Variants in PRKCE observed in about 807,000 individuals in gnomAD.
The protein encoded by PRKCE is protein kinase C epsilon.
PRKCE carries 16 observed loss-of-function variants against 85.4 expected under a neutral mutation model. That is an observed-to-expected ratio of 0.19 (90% CI 0.13 to 0.28). PRKCE has a LOEUF of 0.28. PRKCE is among the 10% of genes least tolerant of loss of function. PRKCE has a pLI of 1.00. For missense variants in PRKCE, 573 were observed against 975.2 expected, an observed-to-expected ratio of 0.59 and a Z score of 5.49; for synonymous variants, 388 against 371.5, an observed-to-expected ratio of 1.04 and a Z score of -0.51.
intron 5 of PRKCE, among the ~76,000 whole-genome samples, 181 bp downstream of exon 5, chr2:45,980,562 G>A (rs1265325210): frequency 2.0e-5 from 3 of 152,228 alleles, no homozygotes; most frequent in Admixed American, 2.0e-4. Context: ...CGCAGGATGA[G>A]CACAGGTCCA....
intron 1 of PRKCE, among the ~76,000 whole-genome samples, chr2:45,682,077 GTGT>G (rs1429724378): frequency 2.0e-5 from 3 of 152,138 alleles, no homozygotes; most frequent in African/African-American, 4.8e-5. Context: ...TAAAATATAA[GTGT>G]TGTTTATCCA....
At chr2:46,180,993 G>T (rs1241135194) in intron 14 of PRKCE, among the ~76,000 whole-genome samples, 1 of 152,180 alleles carries the variant, frequency 6.6e-6, no homozygotes, top group Non-Finnish European at 1.5e-5. Flanking sequence ...TCATCTCTCA[G>T]GCTCTGCAGT....
intron 1 of PRKCE, among the ~76,000 whole-genome samples, chr2:45,691,417 G>C (rs1441696143): frequency 6.6e-6 from 1 of 152,174 alleles, no homozygotes; most frequent in South Asian, 2.1e-4. Flanking sequence ...CTCAGGGAGT[G>C]TTTCCCCTCT....
intron 1 of PRKCE, among the ~76,000 whole-genome samples, chr2:45,790,525 C>A (rs1221291798): frequency 6.6e-6 from 1 of 152,182 alleles, no homozygotes; most frequent in Admixed American, 6.5e-5. Context: ...GACTGAGTGG[C>A]TGCTCTCTAT....
chr2:45,856,951 A>G lies in PRKCE; in HGVS notation c.412+13888A>G, dbSNP rs553035735. Among the ~76,000 whole-genome samples, 20 of 152,350 alleles carry G rather than the reference A, an allele frequency of 1.3e-4. No individual in the cohort carries two copies. The South Asian group carries it at 4.1e-3, about 32-fold the overall frequency. ...ACCACATTTTCTTTGTCCATTCATC[A>G]TCAGATGGGAATTTAGGTTGATTCC... On this transcript the variant is annotated intron_variant, in intron 2 of 14. Transcript: ENST00000306156.
intron 2 of PRKCE, among the ~76,000 whole-genome samples, chr2:45,886,630 T>C (rs541755357): frequency 1.3e-5 from 2 of 152,316 alleles, no homozygotes; most frequent in African/African-American, 4.8e-5. Context: ...AACCCTGCAA[T>C]GAGTCTTGAC....
intron 1 of PRKCE, among the ~76,000 whole-genome samples, chr2:45,710,087 C>T (rs138898934): frequency 7.2e-5 from 11 of 152,216 alleles, no homozygotes; most frequent in Admixed American, 1.3e-4. Context: ...TAGGCTACTG[C>T]GCCTGGCCCA....
In PRKCE at chr2:46,086,336, C is replaced by T; in HGVS notation, c.1566C>T (p.Phe522=). Residue 522 remains phenylalanine (F), a synonymous_variant, in exon 11 of 15, where the codon TTC becomes TTT. Transcript: ENST00000306156. ...CAGAGGTCACATCGGCCCTCATGTT[C>T]CTCCACCAGCATGGAGTCATCTACA... ...YAAEVTSALM[F]LHQHGVIYRD... 1 of 1,599,572 alleles carries T rather than the reference C, an allele frequency of 6.3e-7. No individual in the cohort carries two copies. Among genetic ancestry groups the T allele is most frequent in the South Asian group, 1.1e-5 (1 of 91,070 alleles).
intron 1 of PRKCE, among the ~76,000 whole-genome samples, chr2:45,809,796 C>G (rs996762196): frequency 2.0e-5 from 3 of 150,950 alleles, no homozygotes; most frequent in African/African-American, 7.3e-5. Flanking sequence ...AGGAGGATTG[C>G]TTGAACCCAG....
At chr2:46,002,262 G>A (rs1704751079) in intron 7 of PRKCE, among the ~76,000 whole-genome samples, 1 of 152,236 alleles carries the variant, frequency 6.6e-6, no homozygotes, top group African/African-American at 2.4e-5. Flanking sequence ...TGAAAAGTAA[G>A]TTATGAGAAA....
At chr2:45,808,177 A>G (rs1057462998) in intron 1 of PRKCE, among the ~76,000 whole-genome samples, 14 of 152,122 alleles carry the variant, frequency 9.2e-5, no homozygotes, top group African/African-American at 3.4e-4. Context: ...AGCCAGAGTT[A>G]TAAGTGTCTG....
chr2:46,024,581 C>T (rs1210718963), intron 10 of PRKCE, among the ~76,000 whole-genome samples: 1 of 152,150 alleles, frequency 6.6e-6, no homozygotes, highest in Non-Finnish European at 1.5e-5. Context: ...AAGCTTATTA[C>T]CTGGCTCTGG....
chr2:45,736,552 G>A (rs1274467890), intron 1 of PRKCE, among the ~76,000 whole-genome samples: 1 of 152,182 alleles, frequency 6.6e-6, no homozygotes, highest in Admixed American at 6.5e-5. Context: ...AAGTTCCCCT[G>A]CCCTGGAGTC....
chr2:45,681,652 G>A (rs918492414), intron 1 of PRKCE, among the ~76,000 whole-genome samples: 1 of 152,124 alleles, frequency 6.6e-6, no homozygotes, highest in African/African-American at 2.4e-5. Flanking sequence ...CTCTACCTGG[G>A]CCTGTGGATG....
At chr2:45,804,700 G>T (rs1688113931) in intron 1 of PRKCE, among the ~76,000 whole-genome samples, 1 of 152,182 alleles carries the variant, frequency 6.6e-6, no homozygotes, top group Non-Finnish European at 1.5e-5. Flanking sequence ...TGAGAAAGAG[G>T]AGAGGTTGCT....
At chr2:45,655,939 G>C (rs1675360943) in intron 1 of PRKCE, among the ~76,000 whole-genome samples, 1 of 151,578 alleles carries the variant, frequency 6.6e-6, no homozygotes. Flanking sequence ...TGAAACAGTA[G>C]GTTATATTTA....
At chr2:46,067,264 C>T (rs1412434583) in intron 10 of PRKCE, among the ~76,000 whole-genome samples, 3 of 152,162 alleles carry the variant, frequency 2.0e-5, no homozygotes, top group Admixed American at 6.5e-5. Context: ...AAATGAATGA[C>T]GTGCATTATA....
chr2:45,671,027 A>C (rs1261547512), intron 1 of PRKCE, among the ~76,000 whole-genome samples: 2 of 152,200 alleles, frequency 1.3e-5, no homozygotes. Context: ...CATGCCCTGT[A>C]ATACAAGGCG....
chr2:45,766,870 T>C (rs924544617), intron 1 of PRKCE, among the ~76,000 whole-genome samples: 1 of 152,148 alleles, frequency 6.6e-6, no homozygotes, highest in Non-Finnish European at 1.5e-5. Flanking sequence ...TGAAACCCCA[T>C]CTCTACTAAA....
Sources: gnomAD v4.1 joint callset for allele counts (sites outside exome capture counted in the v4.1 genomes callset) on GRCh38, gnomAD v4.1.1 for gene constraint, MANE v1.5 for transcripts, NCBI Gene and HGNC (gene_info 2026-07-23, HGNC 2026-07-21) for gene names.